The following ANKMY1 variants were observed in gnomAD, a reference collection of about 807,000 sequenced individuals.
ANKMY1 encodes the protein ankyrin repeat and MYND domain-containing protein 1.
In ANKMY1, 98 loss-of-function variants were observed where a neutral mutation model predicts 102.0. That is an observed-to-expected ratio of 0.96 (90% CI 0.82 to 1.14). ANKMY1 has a LOEUF of 1.14. ANKMY1 is among the 50% of genes most tolerant of loss of function. The pLI is 0.00. For synonymous variants in ANKMY1, 582 were observed against 559.9 expected, an observed-to-expected ratio of 1.04 and a Z score of -0.56; for missense variants, 1,330 against 1,347.6, an observed-to-expected ratio of 0.99 and a Z score of 0.20.
At chr2:240,481,194 G>A in intron 16 of ANKMY1, 97 bp from the exon 17 acceptor site, 4 of 1,478,754 alleles carry the variant, frequency 2.7e-6, no homozygotes, top group Non-Finnish European at 3.6e-6. Flanking sequence ...CTGAGCTCCT[G>A]GGCTATTCCC....
intron 17 of ANKMY1, among the ~76,000 whole-genome samples, chr2:240,480,358 G>A (rs144097315): frequency 1.7e-4 from 26 of 152,334 alleles, no homozygotes; most frequent in East Asian, 3.9e-4. Flanking sequence ...GCACAGCTTC[G>A]CACACCAGCC....
At chr2:240,541,804 T>C (rs1427078209) in intron 4 of ANKMY1, among the ~76,000 whole-genome samples, 1 of 151,912 alleles carries the variant, frequency 6.6e-6, no homozygotes, top group Non-Finnish European at 1.5e-5. Context: ...GCTGGGCGTA[T>C]GTTGCTGTTT....
chr2:240,532,360 C>G (rs181256958), intron 4 of ANKMY1, among the ~76,000 whole-genome samples: 10 of 152,150 alleles, frequency 6.6e-5, no homozygotes, highest in Non-Finnish European at 1.5e-4. Context: ...GATTCTCAGA[C>G]AAGCAAAAAC....
At chr2:240,517,074 A>G (rs2081336204) in intron 9 of ANKMY1, among the ~76,000 whole-genome samples, 1 of 152,210 alleles carries the variant, frequency 6.6e-6, no homozygotes, top group East Asian at 1.9e-4. Flanking sequence ...AACTATGCAA[A>G]TATTTTTAAT....
chr2:240,507,440 A>T, intron 13 of ANKMY1, 120 bp downstream of exon 13: 1 of 889,542 alleles, frequency 1.1e-6, no homozygotes, highest in Non-Finnish European at 1.4e-6. Context: ...CCCCTCACCC[A>T]GGGCCACCCA....
In ANKMY1 at chr2:240,523,937, T is replaced by A. The variant is rs768329124; in HGVS notation, c.1780A>T (p.Thr594Ser). The stretch of plus-strand genomic sequence containing the variant: ...ATGGTCCCTTTGTCGAAGCTGCTGG[T>A]GCACGGTGAGGGCGAGGCCATCTTC... ...LLKMASPSPCTSSFDKGTMRR... is the reference protein window; with the variant it reads ...LLKMASPSPCSSSFDKGTMRR... Residue 594 changes from threonine (T) to serine (S), a missense_variant, in exon 8 of 18, where the codon ACC becomes TCC. Physicochemically the swap from Thr to Ser is moderately conservative, Grantham distance 58 (BLOSUM62 1). Coordinates refer to ENST00000401804, the MANE Select transcript of ANKMY1 (RefSeq NM_001282771.3). 2 of 1,613,768 alleles carry A rather than the reference T, an allele frequency of 1.2e-6. No individual in the cohort carries two copies.
chr2:240,538,181 G>A (rs1010502278), intron 4 of ANKMY1, among the ~76,000 whole-genome samples: 4 of 152,228 alleles, frequency 2.6e-5, no homozygotes, highest in African/African-American at 4.8e-5. Context: ...CTCCCGCCGC[G>A]CTTGAGGGGC....
intron 15 of ANKMY1, among the ~76,000 whole-genome samples, chr2:240,492,799 T>G (rs1442740946): frequency 2.0e-5 from 3 of 152,098 alleles, no homozygotes; most frequent in Non-Finnish European, 2.9e-5. Flanking sequence ...CAAGCAATTC[T>G]CCTGCCTCAG....
At chr2:240,468,977 C>T in the ANKMY1 span, among the ~76,000 whole-genome samples, 8 of 152,210 alleles carry the variant, frequency 5.3e-5, no homozygotes, top group Non-Finnish European at 4.4e-5. Flanking sequence ...CCCAGAGGCC[C>T]GGCTCCTCCC....
intron 9 of ANKMY1, among the ~76,000 whole-genome samples, chr2:240,516,388 T>C (rs2081223888): frequency 6.6e-6 from 1 of 152,208 alleles, no homozygotes; most frequent in African/African-American, 2.4e-5. Flanking sequence ...GTTAGAATTT[T>C]ACAGAAAGTA....
upstream of ANKMY1, among the ~76,000 whole-genome samples, chr2:240,559,636 A>G (rs754315404): frequency 8.5e-5 from 13 of 152,244 alleles, no homozygotes; most frequent in Non-Finnish European, 1.9e-4. Flanking sequence ...GGAAAGTTGG[A>G]GTCCTTCCTT....
intron 2 of ANKMY1, among the ~76,000 whole-genome samples, chr2:240,555,895 A>C (rs990611259): frequency 3.3e-5 from 5 of 152,002 alleles, no homozygotes; most frequent in African/African-American, 1.2e-4. Context: ...GTTCCCCCCC[A>C]GACGGACAGA....
At chr2:240,558,084 CCT>C (rs2092611580), upstream of ANKMY1, 1 of 711,022 alleles carries the variant, frequency 1.4e-6, no homozygotes, top group Admixed American at 6.3e-5. Flanking sequence ...CCCGGCCCCG[CCT>C]CCGGGCGTGC....
rs144403869 is a variant in ANKMY1 at position 240,538,829 on chromosome 2, C to T, written c.481-9320G>A. ...GTGTCTAGCTCAAGGTTTGTAAGTG[C>T]ACCAATCAGCACTCTGTGTCTAGCT... On this transcript the variant is annotated intron_variant, in intron 4 of 17. Transcript: ENST00000401804. Among the ~76,000 whole-genome samples the T allele has an allele frequency of 9.8e-3, 1,486 of 152,338 alleles. 36 individuals carry two copies. Among genetic ancestry groups the T allele is most frequent in the African/African-American group, 0.034 (1,406 of 41,570 alleles).
At chr2:240,550,455 T>C (rs1345992612) in intron 4 of ANKMY1, among the ~76,000 whole-genome samples, 1 of 151,882 alleles carries the variant, frequency 6.6e-6, no homozygotes, top group Non-Finnish European at 1.5e-5. Context: ...ATGGCACATG[T>C]ATACATATGT....
chr2:240,502,882 G>A (rs2152070151), intron 13 of ANKMY1, among the ~76,000 whole-genome samples: 1 of 148,782 alleles, frequency 6.7e-6, no homozygotes, highest in South Asian at 2.1e-4. Flanking sequence ...TACACCCCCA[G>A]GCCCCCTGCC....
intron 15 of ANKMY1, among the ~76,000 whole-genome samples, chr2:240,489,695 G>C (rs1243504080): frequency 6.6e-6 from 1 of 152,274 alleles, no homozygotes; most frequent in Admixed American, 6.5e-5. Flanking sequence ...TCTGCATCTA[G>C]ATTAATCAGG....
downstream of ANKMY1, among the ~76,000 whole-genome samples, chr2:240,478,203 G>C (rs2074988612): frequency 6.6e-6 from 1 of 152,170 alleles, no homozygotes; most frequent in African/African-American, 2.4e-5. Context: ...TTCCTGTGCA[G>C]CCTGCAGAAC....
At chr2:240,535,010 A>AT (rs2086385177) in intron 4 of ANKMY1, among the ~76,000 whole-genome samples, 1 of 152,324 alleles carries the variant, frequency 6.6e-6, no homozygotes, top group African/African-American at 2.4e-5. Flanking sequence ...GAGGCAAAGG[A>AT]TTGCTTGAGC....
Sources: allele counts gnomAD v4.1 joint callset (sites outside exome capture counted in the v4.1 genomes callset), GRCh38; gene constraint gnomAD v4.1.1; transcripts MANE v1.5; gene names NCBI Gene and HGNC (gene_info 2026-07-23, HGNC 2026-07-21).